The following MLXIPL variants were observed in gnomAD, a reference collection of about 807,000 sequenced individuals.
The protein encoded by MLXIPL is MLX interacting protein like.
MLXIPL carries 49 observed loss-of-function variants against 81.5 expected under a neutral mutation model. The observed-to-expected ratio is 0.60, with a 90% confidence interval of 0.48 to 0.76. MLXIPL has a LOEUF of 0.76. Ranked by LOEUF, MLXIPL falls within the 30% of genes least tolerant of loss-of-function variation. The pLI is 0.00. For synonymous variants in MLXIPL, 466 were observed against 485.5 expected (o/e 0.96, Z 0.53); for missense variants, 1,053 against 1,167.0 (o/e 0.90, Z 1.42).
intron 15 of MLXIPL, among the ~76,000 whole-genome samples, chr7:73,595,099 G>C (rs1794167388): frequency 6.6e-6 from 1 of 152,132 alleles, no homozygotes. Context: ...ACCTGCCTCG[G>C]CCTCCCAAAG....
At chr7:73,618,599 C>G (rs113427687) in intron 1 of MLXIPL, among the ~76,000 whole-genome samples, 14 of 152,202 alleles carry the variant, frequency 9.2e-5, no homozygotes, top group African/African-American at 3.4e-4. Flanking sequence ...GCCCCCTCCC[C>G]ACCAGGGACA....
intron 8 of MLXIPL, 134 bp downstream of exon 8, chr7:73,599,392 G>A: frequency 8.8e-7 from 1 of 1,138,116 alleles, no homozygotes; most frequent in Non-Finnish European, 1.3e-6. Context: ...GCAGAGATGG[G>A]GTCTTTCTTT....
chr7:73,607,170 T>C (rs1554598454), intron 4 of MLXIPL, 152 bp from the exon 5 acceptor site: 8 of 1,259,864 alleles, frequency 6.3e-6, no homozygotes, highest in Non-Finnish European at 5.6e-6. Flanking sequence ...TAGGAGACGC[T>C]GTGGCCACAC....
chr7:73,596,610 C>A lies in MLXIPL; in HGVS notation c.1822+29G>T, dbSNP rs1554594002. ...TCCTCTTCCCCTCATCCCCTAGATT[C>A]CCCCAATCCCTGCAACCCCTCTCTT... On this transcript the variant is annotated intron_variant, in intron 11 of 16. Transcript: ENST00000313375. This position sits in a 1 kb window ranked among gnomAD's most constrained non-coding sequence, Gnocchi z 4.7. The A allele has an allele frequency of 7.5e-6, 12 of 1,603,792 alleles. No individual in the cohort carries two copies. Among genetic ancestry groups the A allele is most frequent in the Non-Finnish European group, 1.0e-5 (12 of 1,175,604 alleles).
At chr7:73,630,285 CTTTTTT>C in the MLXIPL span, among the ~76,000 whole-genome samples, 2 of 97,874 alleles carry the variant, frequency 2.0e-5, no homozygotes, top group Admixed American at 1.5e-4. Flanking sequence ...GCCAGCTTGT[CTTTTTT>C]TTTTTTTTTT....
At chr7:73,594,749 AT>A (rs1355544859) in intron 15 of MLXIPL, among the ~76,000 whole-genome samples, 1 of 150,602 alleles carries the variant, frequency 6.6e-6, no homozygotes, top group Non-Finnish European at 1.5e-5. Flanking sequence ...GGGTTTCGCT[AT>A]GTTGGTCAGG....
At chr7:73,636,647 G>A in the MLXIPL span, among the ~76,000 whole-genome samples, 3 of 152,144 alleles carry the variant, frequency 2.0e-5, no homozygotes, top group African/African-American at 7.2e-5. Flanking sequence ...AGTGGGCACC[G>A]AGGTATCTGT....
chr7:73,599,571 C>T lies in MLXIPL; in HGVS notation c.1026G>A (p.Pro342=), dbSNP rs13235543. ...AGAGGTGGGTCATGGCCGAGGAAGC[C>T]GGGGGCACCTCTGGGCCCAGGGTCC... is the stretch of plus-strand genomic sequence containing the variant. ...SSGTLGPEVP[P]ASSAMTHLSG... is the part of the protein sequence containing the mutation. Residue 342 remains proline, a synonymous_variant, in exon 8 of 17, where the codon CCG becomes CCA. Coordinates refer to ENST00000313375, the MANE Select transcript of MLXIPL (RefSeq NM_032951.3). The T allele has an allele frequency of 0.12, 193,884 of 1,612,692 alleles. 12,191 individuals are homozygous for T. Among genetic ancestry groups the T allele is most frequent in the Middle Eastern group, 0.16 (936 of 6,014 alleles).
the MLXIPL span, among the ~76,000 whole-genome samples, chr7:73,647,520 A>G: frequency 2.0e-5 from 3 of 151,936 alleles, no homozygotes; most frequent in Non-Finnish European, 4.4e-5. Context: ...TGTGCACTTC[A>G]CCTTCTAGCA....
At chr7:73,647,374 C>G in the MLXIPL span, among the ~76,000 whole-genome samples, 1 of 152,098 alleles carries the variant, frequency 6.6e-6, no homozygotes. Context: ...CTGCCCAGGG[C>G]AGGGAGAGCC....
intron 15 of MLXIPL, among the ~76,000 whole-genome samples, chr7:73,594,868 C>CA (rs1693359211): frequency 8.7e-6 from 1 of 115,410 alleles, no homozygotes; most frequent in African/African-American, 3.5e-5. Flanking sequence ...TTTTTTTTGA[C>CA]AGAGTCTCAC....
Position 73,593,685 on chromosome 7 carries a change from C to T in MLXIPL, c.*180G>A, listed in dbSNP as rs997989222. The T allele has an allele frequency of 3.2e-6, 2 of 628,644 alleles. No individual in the cohort carries two copies. The highest frequency in any genetic ancestry group is 5.7e-5 in the East Asian group (2 of 35,216). The allele number at this position is 628,644 out of a possible 1,614,324, so 38.9% of individuals were successfully genotyped here. ...CAGTGGCAGAGCAGGGACGGGGACTCTGCTCTTCTTGACCTCCAGGAGGTG... is the reference window on the plus strand; with the variant it reads ...CAGTGGCAGAGCAGGGACGGGGACTTTGCTCTTCTTGACCTCCAGGAGGTG... On this transcript the variant is annotated 3_prime_UTR_variant, in exon 17 of 17. Coordinates refer to ENST00000313375, the MANE Select transcript of MLXIPL (RefSeq NM_032951.3).
chr7:73,602,225 T>TTTC lies in MLXIPL; in HGVS notation c.902-2531_902-2530insGAA, dbSNP rs1563487685. 7.6e-3 allele frequency among the ~76,000 whole-genome samples: 808 copies of TTTC among 106,164 alleles called. 5 individuals are homozygous for TTTC. Among genetic ancestry groups the TTTC allele is most frequent in the African/African-American group, 0.028 (721 of 25,416 alleles). 69.6% of individuals were successfully genotyped at this position (106,164 alleles called of 152,430 possible). A position where few individuals can be genotyped will look rare whatever the true frequency, so the allele number is the denominator to read the frequency against. On this transcript the variant is annotated intron_variant, in intron 7 of 16. Transcript: ENST00000313375. ...TCTCTCTTTCTCTCTTTCTTTCTTT[T>TTTC]TTTTTTTTTGAGATGGAGTCTCGCT...
the MLXIPL span, among the ~76,000 whole-genome samples, chr7:73,631,987 C>G: frequency 7.1e-6 from 1 of 140,164 alleles, no homozygotes; most frequent in Non-Finnish European, 1.5e-5. Context: ...CCTCTCCTCT[C>G]CTTTTCTTTT....
chr7:73,617,482 G>T (rs936277344), intron 1 of MLXIPL, among the ~76,000 whole-genome samples: 14 of 152,158 alleles, frequency 9.2e-5, no homozygotes, highest in Non-Finnish European at 1.5e-5. Context: ...CCAAAGGAAG[G>T]CCGCTAGGAT....
At position 73,623,759 on chromosome 7, in the gene MLXIPL, GGGGCTGCTGGGGAGAAGGCCGA is replaced by G. The variant is rs1796535282; in HGVS notation, c.293+419_293+440del. On this transcript the variant is annotated intron_variant, in intron 1 of 16. Transcript: ENST00000313375. The surrounding 1 kb of genome is among the most constrained non-coding windows in gnomAD (Gnocchi z 5.7). The stretch of plus-strand genomic sequence containing the variant: ...TCCAGGAATAGGGCGGGCTTGGGCC[GGGGCTGCTGGGGAGAAGGCCGA>G]GGCCTGCAGGGGGTCGGGTGGAGTG... Among the ~76,000 whole-genome samples, 2 of 152,130 alleles carry G rather than the reference GGGGCTGCTGGGGAGAAGGCCGA, an allele frequency of 1.3e-5. 1 individual carries two copies. The highest frequency in any genetic ancestry group is 4.1e-4 in the South Asian group (2 of 4,828).
At position 73,594,371 on chromosome 7, in the gene MLXIPL, G is replaced by A. The variant is rs1554592950; in HGVS notation, c.2343C>T (p.Ser781=). The part of the protein sequence containing the change: ...FSILIRPLFE[S]FNGMVSTASV... ...TTGCCGTGGACACCATCCCGTTGAA[G>A]GACTCAAACAGAGGCCGGATGAGGA... Residue 781 remains serine, a synonymous_variant, in exon 16 of 17, where the codon TCC becomes TCT. Transcript: ENST00000313375. The A allele has an allele frequency of 5.6e-6, 9 of 1,607,136 alleles. No homozygotes were observed. The highest frequency in any genetic ancestry group is 1.1e-5 in the South Asian group (1 of 91,088).
Position 73,596,291 on chromosome 7 carries a change from G to C in MLXIPL, c.1939-19C>G. Reference sequence around the variant, plus strand: ...TCTCGGTCTCGGGGAGCAGAGAGTTGGGTGAGCCTAGGAAGGAGCCCAGGA... The same window carrying C: ...TCTCGGTCTCGGGGAGCAGAGAGTTCGGTGAGCCTAGGAAGGAGCCCAGGA... On this transcript the variant is annotated intron_variant, in intron 12 of 16. Coordinates refer to ENST00000313375, the MANE Select transcript of MLXIPL (RefSeq NM_032951.3). The surrounding 1 kb of genome is among the most constrained non-coding windows in gnomAD (Gnocchi z 4.7). 1 of 1,613,284 alleles carries C rather than the reference G, an allele frequency of 6.2e-7. No homozygotes were observed.
the MLXIPL span, among the ~76,000 whole-genome samples, chr7:73,636,977 G>A: frequency 1.0e-3 from 153 of 149,602 alleles, no homozygotes; most frequent in African/African-American, 3.2e-3. Context: ...GGAGAATGAT[G>A]TTAACCCGGG....
Sources: gnomAD v4.1 joint callset for allele counts (sites outside exome capture counted in the v4.1 genomes callset) on GRCh38, gnomAD v4.1.1 for gene constraint, Gnocchi (gnomAD v3.1) non-coding constraint, MANE v1.5 for transcripts, NCBI Gene and HGNC (gene_info 2026-07-23, HGNC 2026-07-21) for gene names.